TDRD9: variants seen among roughly 807,000 people sequenced by gnomAD.
The protein encoded by TDRD9 is ATP-dependent RNA helicase TDRD9.
A neutral mutation model predicts 172.6 loss-of-function variants in TDRD9; 124 were observed. That is an observed-to-expected ratio of 0.72 (90% CI 0.62 to 0.83). The LOEUF is 0.83. TDRD9 is among the 40% of genes least tolerant of loss of function. The pLI is 0.00. For missense variants in TDRD9, 1,479 were observed against 1,714.1 expected, an observed-to-expected ratio of 0.86 and a Z score of 2.42; for synonymous variants, 619 against 617.1, an observed-to-expected ratio of 1.00 and a Z score of -0.05.
chr14:104,001,287 A>C (rs2034252714), intron 13 of TDRD9, among the ~76,000 whole-genome samples: 1 of 152,178 alleles, frequency 6.6e-6, no homozygotes. Context: ...CAGCTTCGTA[A>C]TTTCCGGGAT....
At chr14:103,998,452 C>T (rs1207306523) in intron 12 of TDRD9, among the ~76,000 whole-genome samples, 172 bp from the exon 13 acceptor site, 5 of 152,248 alleles carry the variant, frequency 3.3e-5, no homozygotes, top group Non-Finnish European at 7.4e-5. Flanking sequence ...AGGATGGGAC[C>T]AGCAACTCCC....
intron 2 of TDRD9, among the ~76,000 whole-genome samples, chr14:103,956,432 G>A (rs534877068): frequency 1.9e-4 from 28 of 151,256 alleles, no homozygotes; most frequent in Non-Finnish European, 3.2e-4. Context: ...GTGAGACTCC[G>A]TCTCAAAAAA....
chr14:104,017,000 G>A (rs538517622), intron 22 of TDRD9, among the ~76,000 whole-genome samples: 17 of 152,272 alleles, frequency 1.1e-4, no homozygotes, highest in Admixed American at 4.6e-4. Context: ...AGATACACTT[G>A]ATACCCGTGG....
At chr14:104,048,099 G>A (rs2035833976) in intron 34 of TDRD9, among the ~76,000 whole-genome samples, 2 of 152,152 alleles carry the variant, frequency 1.3e-5, no homozygotes, top group African/African-American at 4.8e-5. Flanking sequence ...ATGTACTGGA[G>A]CAGTTCCCCC....
intron 34 of TDRD9, among the ~76,000 whole-genome samples, chr14:104,042,392 T>C (rs2140920982): frequency 6.6e-6 from 1 of 152,146 alleles, no homozygotes; most frequent in East Asian, 1.9e-4. Flanking sequence ...TGTGTGTGTG[T>C]CCCTTGAAGG....
At position 104,008,468 on chromosome 14, in the gene TDRD9, T is replaced by G; in HGVS notation, c.2106+2T>G. 6.4e-7 allele frequency: 1 copy of G among 1,557,880 alleles called. No homozygotes were observed. Among genetic ancestry groups the G allele is most frequent in the Non-Finnish European group, 8.8e-7 (1 of 1,132,848 alleles). Reference sequence around the variant, plus strand: ...ATTCAAATCAAGAGAATTAGAGAGGTAAGTTAAGTTTTTTGACCAAATGGA... The same window carrying G: ...ATTCAAATCAAGAGAATTAGAGAGGGAAGTTAAGTTTTTTGACCAAATGGA... On this transcript the variant is annotated splice_donor_variant, in intron 20 of 35. Coordinates refer to ENST00000409874, the MANE Select transcript of TDRD9 (RefSeq NM_153046.3). LOFTEE classifies it high-confidence loss of function.
intron 22 of TDRD9, among the ~76,000 whole-genome samples, chr14:104,016,565 G>A (rs2034799370): frequency 6.6e-6 from 1 of 152,144 alleles, no homozygotes; most frequent in African/African-American, 2.4e-5. Context: ...AAGGCTCTGC[G>A]AGATCTGAGC....
chr14:104,017,953 G>A (rs1461135948), intron 22 of TDRD9, 139 bp from the exon 23 acceptor site: 1 of 603,644 alleles, frequency 1.7e-6, no homozygotes, highest in Non-Finnish European at 2.9e-6. Flanking sequence ...CTGATCTGTA[G>A]AGTTTATATA....
At chr14:104,037,931 T>C (rs1220083942) in intron 32 of TDRD9, among the ~76,000 whole-genome samples, 2 of 152,346 alleles carry the variant, frequency 1.3e-5, no homozygotes, top group East Asian at 3.9e-4. Flanking sequence ...GGCATCATCA[T>C]TGTGTACCTT....
chr14:104,048,894 T>C (rs779717703), intron 34 of TDRD9, among the ~76,000 whole-genome samples: 15 of 152,330 alleles, frequency 9.8e-5, no homozygotes, highest in Non-Finnish European at 1.9e-4. Context: ...CCAGATCACA[T>C]AGCCTTTATG....
intron 34 of TDRD9, 144 bp downstream of exon 34, chr14:104,042,331 G>A: frequency 3.2e-6 from 2 of 619,710 alleles, no homozygotes; most frequent in East Asian, 2.8e-5. Context: ...GCACTGGGAG[G>A]CATCAGAATG....
intron 7 of TDRD9, among the ~76,000 whole-genome samples, chr14:103,984,219 G>A (rs902365577): frequency 1.3e-5 from 2 of 152,232 alleles, no homozygotes; most frequent in Non-Finnish European, 2.9e-5. Flanking sequence ...AGAAGTTCAA[G>A]TCAGCTGCAT....
intron 7 of TDRD9, among the ~76,000 whole-genome samples, chr14:103,985,051 T>C (rs2033611262): frequency 6.6e-6 from 1 of 152,220 alleles, no homozygotes; most frequent in South Asian, 2.1e-4. Flanking sequence ...GGAAAGGCTA[T>C]ATTTACCCAA....
At chr14:104,051,112 G>A (rs1477644113) in intron 35 of TDRD9, among the ~76,000 whole-genome samples, 1 of 152,034 alleles carries the variant, frequency 6.6e-6, no homozygotes, top group Non-Finnish European at 1.5e-5. Context: ...TTCAATCCTT[G>A]CCTCCCTCCC....
chr14:103,930,149 C>G (rs771896912), intron 1 of TDRD9, among the ~76,000 whole-genome samples: 7 of 151,990 alleles, frequency 4.6e-5, no homozygotes, highest in Non-Finnish European at 8.8e-5. Context: ...AAGTCCAGCA[C>G]GCTTTACAGT....
intron 1 of TDRD9, among the ~76,000 whole-genome samples, chr14:103,936,211 T>G (rs982099430): frequency 1.3e-5 from 2 of 152,132 alleles, no homozygotes; most frequent in Non-Finnish European, 2.9e-5. Flanking sequence ...CAACTCAGTC[T>G]CCTGAGTAGC....
chr14:104,005,295 A>C lies in TDRD9; in HGVS notation c.1603A>C (p.Ile535Leu). The C allele has an allele frequency of 6.2e-7, 1 of 1,613,916 alleles. No homozygotes were observed. The change falls in exon 15 of 36, where the codon ATC (isoleucine) becomes CTC (leucine). Residue 535 changes from isoleucine to leucine, a missense_variant. This residue lies in a region of TDRD9 where 1,413 missense variants were observed against 1,649.1 expected (regional missense o/e 0.86). Transcript: ENST00000409874. ...TCAGCGTTGTCCATTAGGAAGCACG[A>C]TCTTGAAAGTGAAATTACTTGACAT... is the stretch of plus-strand genomic sequence containing the variant. ...EMLRCPLGST[I>L]LKVKLLDMGE...
Position 104,007,223 on chromosome 14 carries a change from G to C in TDRD9, c.2052+19G>C, listed in dbSNP as rs2034469345. 6.2e-7 allele frequency: 1 copy of C among 1,612,786 alleles called. No individual in the cohort carries two copies. Among genetic ancestry groups the C allele is most frequent in the East Asian group, 2.2e-5 (1 of 44,864 alleles). ...CCCGAAGGTTGGTGAGCCCTTTCCTGCTGCTTTCTAGATGGCTGGGAGTAA... is the reference window on the plus strand; with the variant it reads ...CCCGAAGGTTGGTGAGCCCTTTCCTCCTGCTTTCTAGATGGCTGGGAGTAA... On this transcript the variant is annotated intron_variant, in intron 19 of 35. Transcript: ENST00000409874.
intron 14 of TDRD9, among the ~76,000 whole-genome samples, chr14:104,004,577 A>G (rs1389547402): frequency 1.3e-5 from 2 of 152,060 alleles, no homozygotes; most frequent in Non-Finnish European, 2.9e-5. Flanking sequence ...ACAGGGTTTC[A>G]CTGTGTTGGC....
Sources: gnomAD v4.1 joint callset for allele counts (sites outside exome capture counted in the v4.1 genomes callset) on GRCh38, gnomAD v4.1.1 for gene constraint, gnomAD v4.1.1 regional missense constraint, MANE v1.5 for transcripts, NCBI Gene and HGNC (gene_info 2026-07-23, HGNC 2026-07-21) for gene names.